Variants in CACNG6 observed in about 807,000 individuals in gnomAD.
The protein encoded by CACNG6 is voltage-dependent calcium channel gamma-6 subunit.
A neutral mutation model predicts 23.9 loss-of-function variants in CACNG6; 21 were observed. That is an observed-to-expected ratio of 0.88 (90% CI 0.62 to 1.26). The LOEUF (loss-of-function observed/expected upper bound fraction) is 1.26. Among genes scored for constraint, CACNG6 ranks in the 50% most tolerant of loss-of-function variants. CACNG6 has a pLI of 0.00. For synonymous variants in CACNG6, 182 were observed against 168.9 expected, an observed-to-expected ratio of 1.08 and a Z score of -0.60; for missense variants, 340 against 352.9, an observed-to-expected ratio of 0.96 and a Z score of 0.29.
At chr19:54,010,816 G>T (rs1568819887) in intron 3 of CACNG6, among the ~76,000 whole-genome samples, 1 of 151,952 alleles carries the variant, frequency 6.6e-6, no homozygotes, top group Non-Finnish European at 1.5e-5. Flanking sequence ...CCTGGCCTCA[G>T]GCAATCCTTC....
At chr19:54,004,273 G>A (rs1333347887) in intron 3 of CACNG6, among the ~76,000 whole-genome samples, 1 of 151,662 alleles carries the variant, frequency 6.6e-6, no homozygotes, top group East Asian at 1.9e-4. Flanking sequence ...CGAGTCTCCT[G>A]CCTCAGCCTC....
intron 3 of CACNG6, among the ~76,000 whole-genome samples, chr19:54,002,284 G>GTTTTTTTTTTTTTTTTTTTTTTTTTTTT (rs139176353): frequency 1.7e-5 from 2 of 117,424 alleles, no homozygotes; most frequent in Admixed American, 9.2e-5. Context: ...TGTTTTTTTT[G>GTTTTTTTTTTTTTTTTTTTTTTTTTTTT]TTTTTTTTTT....
Position 53,991,713 on chromosome 19 carries a change from G to C in CACNG6, c.-1165G>C, listed in dbSNP as rs2069461650. ...CTGGGGTCGGCGCGGGGCCGAGGCA[G>C]GAGAGCGAGAGGGGCCCCTGCTCGG... is the stretch of plus-strand genomic sequence containing the variant. On this transcript the variant is annotated 5_prime_UTR_variant, in exon 1 of 4. Coordinates refer to ENST00000252729, the MANE Select transcript of CACNG6 (RefSeq NM_145814.2). Among the ~76,000 whole-genome samples the C allele has an allele frequency of 2.0e-5, 3 of 152,058 alleles. No homozygotes were observed. The highest frequency in any genetic ancestry group is 2.0e-4 in the Admixed American group (3 of 15,270).
At chr19:54,003,523 G>T (rs2069602166) in intron 3 of CACNG6, among the ~76,000 whole-genome samples, 1 of 151,916 alleles carries the variant, frequency 6.6e-6, no homozygotes, top group African/African-American at 2.4e-5. Context: ...ACCACACCTG[G>T]CTAAGTTTTG....
chr19:53,991,359 C>T (rs375671659), upstream of CACNG6, among the ~76,000 whole-genome samples: 2 of 152,026 alleles, frequency 1.3e-5, no homozygotes, highest in East Asian at 1.9e-4. Flanking sequence ...CTGCCCCGCC[C>T]GTCTCCTGCT....
chr19:54,010,243 A>C (rs1339610318), intron 3 of CACNG6, among the ~76,000 whole-genome samples: 2 of 151,726 alleles, frequency 1.3e-5, no homozygotes, highest in African/African-American at 4.8e-5. Context: ...TGAACTCCTG[A>C]CCTCAGGTGA....
In CACNG6 at chr19:53,991,923, G is replaced by T. The variant is rs574376992; in HGVS notation, c.-955G>T. On this transcript the variant is annotated 5_prime_UTR_variant, in exon 1 of 4. Coordinates refer to ENST00000252729, the MANE Select transcript of CACNG6 (RefSeq NM_145814.2). ...GGACTCAGTCCTGGTTTTCCGAGCC[G>T]CAGTGCGGACCACAGCCCCATAGTG... Among the ~76,000 whole-genome samples, 78 of 152,204 alleles carry T rather than the reference G, an allele frequency of 5.1e-4. No individual in the cohort carries two copies. The highest frequency in any genetic ancestry group is 3.4e-3 in the Middle Eastern group (1 of 294).
chr19:54,010,294 G>T (rs561083284), intron 3 of CACNG6, among the ~76,000 whole-genome samples: 1 of 151,936 alleles, frequency 6.6e-6, no homozygotes, highest in African/African-American at 2.4e-5. Context: ...GATTACAGGC[G>T]TGAGTCACTG....
In CACNG6 at chr19:53,994,120, C is replaced by T. The variant is rs150151353; in HGVS notation, c.331+912C>T. ...CAGCCTGGGTTCCTGGTGTCAGCTT[C>T]CTCTTCCCAGCCTGGAGACAGCTTG... is the stretch of plus-strand genomic sequence containing the variant. On this transcript the variant is annotated intron_variant, in intron 1 of 3. Coordinates refer to ENST00000252729, the MANE Select transcript of CACNG6 (RefSeq NM_145814.2). 6.0e-3 allele frequency among the ~76,000 whole-genome samples: 907 copies of T among 152,184 alleles called. 6 individuals are homozygous for T. The highest frequency in any genetic ancestry group is 0.021 in the African/African-American group (854 of 41,512).
At chr19:53,995,289 C>A (rs928316507) in intron 1 of CACNG6, among the ~76,000 whole-genome samples, 1 of 152,086 alleles carries the variant, frequency 6.6e-6, no homozygotes, top group African/African-American at 2.4e-5. Context: ...TCAGAAAGGA[C>A]TTCAGTCTTC....
rs2069474888 is a variant in CACNG6, at chr19:53,992,801, G to A, written c.-77G>A. 1.9e-6 allele frequency: 2 copies of A among 1,032,726 alleles called. No individual in the cohort carries two copies. Among genetic ancestry groups the A allele is most frequent in the African/African-American group, 3.3e-5 (2 of 60,312 alleles). 64.0% of individuals were successfully genotyped at this position (1,032,726 alleles called of 1,614,324 possible). A position where few individuals can be genotyped will look rare whatever the true frequency, so the allele number is the denominator to read the frequency against. ...TCCCTCACCCCCTTCAAGACCCCAG[G>A]CCGCTCCTCGCTCCCGCCCCTCGAG... is the stretch of plus-strand genomic sequence containing the variant. On this transcript the variant is annotated 5_prime_UTR_variant, in exon 1 of 4. Transcript: ENST00000252729. The surrounding 1 kb of genome is among the most constrained non-coding windows in gnomAD (Gnocchi z 4.1).
chr19:53,999,234 G>A (rs535325849), intron 2 of CACNG6, among the ~76,000 whole-genome samples: 2 of 152,214 alleles, frequency 1.3e-5, no homozygotes, highest in Non-Finnish European at 2.9e-5. Context: ...AATCCTACTA[G>A]AATCTTCCAT....
intron 3 of CACNG6, among the ~76,000 whole-genome samples, chr19:54,004,333 TTTTGTGTG>T (rs1257472520): frequency 1.5e-3 from 160 of 104,402 alleles, no homozygotes; most frequent in East Asian, 3.6e-3. Context: ...AATTTTGTAT[TTTTGTGTG>T]TGTGTGTGTG....
At chr19:54,004,328 T>G (rs1249685504) in intron 3 of CACNG6, among the ~76,000 whole-genome samples, 1 of 126,884 alleles carries the variant, frequency 7.9e-6, no homozygotes, top group African/African-American at 3.9e-5. Context: ...TGGTTAATTT[T>G]GTATTTTTGT....
In CACNG6 at chr19:53,999,667, T is replaced by G; in HGVS notation, c.440T>G (p.Leu147Arg). The G allele has an allele frequency of 6.2e-7, 1 of 1,614,072 alleles. No homozygotes were observed. Among genetic ancestry groups the G allele is most frequent in the East Asian group, 2.2e-5 (1 of 44,878 alleles). ...CTGGCAGCTGCGGTGATAGCAGTGC[T>G]GGGCCTGGCAGTCATGGCCTTGGGG... ...VNLAAAVIAV[L>R]GLAVMALGCL... is the part of the protein sequence containing the mutation. The change falls in exon 3 of 4, where the codon CTG becomes CGG. Residue 147 changes from leucine to arginine, a missense_variant. By Grantham distance (102) the Leu-to-Arg change is moderately radical. Coordinates refer to ENST00000252729, the MANE Select transcript of CACNG6 (RefSeq NM_145814.2).
Position 54,012,559 on chromosome 19 carries a change from GGA to G in CACNG6, c.*375_*376del, listed in dbSNP as rs1332442573. On this transcript the variant is annotated 3_prime_UTR_variant, in exon 4 of 4. Coordinates refer to ENST00000252729, the MANE Select transcript of CACNG6 (RefSeq NM_145814.2). Reference sequence around the variant, plus strand: ...CAGGTCTGGATCGATTCACTTGCCGGGAGAGACTTTTTACAACTCATCTGCAG... The same window carrying G: ...CAGGTCTGGATCGATTCACTTGCCGGGAGACTTTTTACAACTCATCTGCAG... 1 of 184,118 alleles carries G rather than the reference GGA, an allele frequency of 5.4e-6. No individual in the cohort carries two copies. 11.4% of individuals were successfully genotyped at this position (184,118 alleles called of 1,614,324 possible). A position where few individuals can be genotyped will look rare whatever the true frequency, so the allele number is the denominator to read the frequency against.
intron 1 of CACNG6, among the ~76,000 whole-genome samples, chr19:53,994,928 T>C (rs2069505462): frequency 6.6e-6 from 1 of 152,210 alleles, no homozygotes; most frequent in Non-Finnish European, 1.5e-5. Flanking sequence ...GAGTCCCCAG[T>C]AATAAGAATA....
intron 3 of CACNG6, among the ~76,000 whole-genome samples, chr19:54,004,741 C>T (rs1165612366): frequency 6.6e-6 from 1 of 152,054 alleles, no homozygotes; most frequent in Non-Finnish European, 1.5e-5. Context: ...GCGTGTTTTC[C>T]CGGGCTGCCT....
At chr19:54,004,181 A>G (rs2069609478) in intron 3 of CACNG6, among the ~76,000 whole-genome samples, 1 of 149,892 alleles carries the variant, frequency 6.7e-6, no homozygotes, top group African/African-American at 2.5e-5. Context: ...TTTTTTTGAG[A>G]CGGAGTTTCG....
Sources: gnomAD v4.1 joint callset for allele counts (sites outside exome capture counted in the v4.1 genomes callset) on GRCh38, gnomAD v4.1.1 for gene constraint, Gnocchi (gnomAD v3.1) non-coding constraint, MANE v1.5 for transcripts, NCBI Gene and HGNC (gene_info 2026-07-23, HGNC 2026-07-21) for gene names.